NEGR1: variants seen among roughly 807,000 people sequenced by gnomAD.
NEGR1 encodes the protein IgLON family member 4.
NEGR1 carries 10 observed loss-of-function variants against 40.9 expected under a neutral mutation model. The ratio of observed to expected loss-of-function variants is 0.24; its 90% CI spans 0.15 to 0.42. NEGR1 has a LOEUF of 0.42. Ranked by LOEUF, NEGR1 falls within the 10% of genes least tolerant of loss-of-function variation. The probability of loss-of-function intolerance (pLI) is 1.00; values close to 1 mark genes in which losing one functional copy is unlikely to be tolerated. For missense variants in NEGR1, 352 were observed against 438.9 expected (o/e 0.80, Z 1.77); for synonymous variants, 185 against 166.8 (o/e 1.11, Z -0.84).
intron 1 of NEGR1, among the ~76,000 whole-genome samples, chr1:71,994,199 C>T (rs1646481654): frequency 6.6e-6 from 1 of 152,042 alleles, no homozygotes; most frequent in African/African-American, 2.4e-5. Context: ...GAATTATGAG[C>T]CTAAAGGTGA....
chr1:71,567,871 C>T (rs539645496), intron 6 of NEGR1, among the ~76,000 whole-genome samples: 7 of 151,054 alleles, frequency 4.6e-5, no homozygotes, highest in South Asian at 4.2e-4. Flanking sequence ...AGGGAATTTT[C>T]GCAGCCTTTT....
rs908480994 is a variant in NEGR1, at chr1:71,973,177, G to A, written c.177-37866C>T. On this transcript the variant is annotated intron_variant, in intron 1 of 6. Transcript: ENST00000357731. Reference sequence around the variant, plus strand: ...TAAAAACACAAAAAATTAGCTGGGCGTGGTGGCGGGCGCCTGTAGTCCCAG... The same window carrying A: ...TAAAAACACAAAAAATTAGCTGGGCATGGTGGCGGGCGCCTGTAGTCCCAG... Among the ~76,000 whole-genome samples the A allele has an allele frequency of 4.6e-5, 7 of 152,058 alleles. No homozygotes were observed. The South Asian group carries it at 6.2e-4, about 14-fold the overall frequency.
intron 1 of NEGR1, among the ~76,000 whole-genome samples, chr1:72,096,331 T>C (rs1295644711): frequency 6.6e-6 from 1 of 152,170 alleles, no homozygotes; most frequent in Non-Finnish European, 1.5e-5. Context: ...TGATTATTTA[T>C]TATTTTATTA....
chr1:72,206,368 T>G (rs1361899698), intron 1 of NEGR1, among the ~76,000 whole-genome samples: 1 of 152,096 alleles, frequency 6.6e-6, no homozygotes, highest in Non-Finnish European at 1.5e-5. Context: ...AATAGCAAAC[T>G]TGAATATCCA....
intron 1 of NEGR1, among the ~76,000 whole-genome samples, chr1:71,966,476 G>A (rs78996394): frequency 0.013 from 2,027 of 152,228 alleles, 44 homozygotes; most frequent in African/African-American, 0.046. Flanking sequence ...ACATATTTGA[G>A]TTACACGCTG....
In NEGR1 at chr1:72,123,920, T is replaced by G. The variant is rs534381027; in HGVS notation, c.176+158399A>C. Among the ~76,000 whole-genome samples the G allele has an allele frequency of 2.0e-5, 3 of 152,120 alleles. No homozygotes were observed. The South Asian group carries it at 6.2e-4, about 32-fold the overall frequency. On this transcript the variant is annotated intron_variant, in intron 1 of 6. Coordinates refer to ENST00000357731, the MANE Select transcript of NEGR1 (RefSeq NM_173808.3). The stretch of plus-strand genomic sequence containing the variant: ...TACAACTGTTGGCCTGGGGGATGAT[T>G]CTGTTTCAGTTAGCACTGGTGCTGC...
chr1:71,763,246 G>A (rs1023644149), intron 3 of NEGR1, among the ~76,000 whole-genome samples: 12 of 152,070 alleles, frequency 7.9e-5, no homozygotes, highest in African/African-American at 2.9e-4. Context: ...CATTGGGTGG[G>A]GGGTCCTCCT....
chr1:71,744,379 C>T (rs1655317093), intron 3 of NEGR1, among the ~76,000 whole-genome samples: 1 of 124,756 alleles, frequency 8.0e-6, no homozygotes, highest in Non-Finnish European at 1.7e-5. Flanking sequence ...TAATAATAAG[C>T]CAGGCAGGTT....
chr1:72,033,687 T>A (rs1646878534), intron 1 of NEGR1, among the ~76,000 whole-genome samples: 1 of 152,214 alleles, frequency 6.6e-6, no homozygotes, highest in Non-Finnish European at 1.5e-5. Context: ...CTAACTGGGT[T>A]TATGAACAAA....
chr1:72,275,098 G>A (rs1382449155), intron 1 of NEGR1: 2 of 881,322 alleles, frequency 2.3e-6, no homozygotes, highest in Non-Finnish European at 3.9e-6. Context: ...GATACCGAAA[G>A]ACTTGGGAAC....
chr1:72,011,792 G>A (rs1357769719), intron 1 of NEGR1, among the ~76,000 whole-genome samples: 3 of 152,076 alleles, frequency 2.0e-5, no homozygotes, highest in Non-Finnish European at 2.9e-5. Flanking sequence ...ACAATGAGTC[G>A]GAGTAGCTGC....
At chr1:72,132,005 A>T (rs1398964886) in intron 1 of NEGR1, among the ~76,000 whole-genome samples, 1 of 152,170 alleles carries the variant, frequency 6.6e-6, no homozygotes, top group Non-Finnish European at 1.5e-5. Flanking sequence ...GTCCTGAGGC[A>T]GGAGAATCGC....
At chr1:71,939,650 A>C (rs987496485) in intron 1 of NEGR1, among the ~76,000 whole-genome samples, 2 of 152,200 alleles carry the variant, frequency 1.3e-5, no homozygotes, top group African/African-American at 4.8e-5. Context: ...AACTAAGCTA[A>C]GAATTCAGTG....
intron 4 of NEGR1, among the ~76,000 whole-genome samples, chr1:71,677,928 G>T (rs1400580977): frequency 6.6e-6 from 1 of 152,134 alleles, no homozygotes; most frequent in Admixed American, 6.6e-5. Context: ...AAGATTTACT[G>T]TTAACAGGAA....
intron 1 of NEGR1, among the ~76,000 whole-genome samples, chr1:72,133,061 A>T (rs1403424798): frequency 6.6e-6 from 1 of 152,166 alleles, no homozygotes; most frequent in Admixed American, 6.5e-5. Context: ...CTCCTTTAAA[A>T]TGTGACAATC....
rs145354058 is a variant in NEGR1 at position 71,675,126 on chromosome 1, T to TATATATATATATACACAC, written c.667+22881_667+22882insGTGTGTATATATATATAT. ...GCATGTTTATTCATATATATATATATACACACACACATATGAATTCTTAGA... is the reference window on the plus strand; with the variant it reads ...GCATGTTTATTCATATATATATATATATATATATATATACACACACACACACACATATGAATTCTTAGA... On this transcript the variant is annotated intron_variant, in intron 4 of 6. Coordinates refer to ENST00000357731, the MANE Select transcript of NEGR1 (RefSeq NM_173808.3). Among the ~76,000 whole-genome samples the TATATATATATATACACAC allele has an allele frequency of 8.7e-4, 68 of 77,826 alleles. 2 individuals are homozygous for TATATATATATATACACAC. Among genetic ancestry groups the TATATATATATATACACAC allele is most frequent in the African/African-American group, 2.4e-3 (58 of 24,334 alleles). The allele number at this position is 77,826 out of a possible 152,430, so 51.1% of individuals were successfully genotyped here. A position where few individuals can be genotyped will look rare whatever the true frequency, so the allele number is the denominator to read the frequency against.
At chr1:71,667,652 A>T (rs1652287348) in intron 4 of NEGR1, among the ~76,000 whole-genome samples, 1 of 152,356 alleles carries the variant, frequency 6.6e-6, no homozygotes, top group Non-Finnish European at 1.5e-5. Context: ...AATGTGTCTC[A>T]ACAGTGTGTT....
At chr1:71,655,502 C>T (rs774865893) in intron 4 of NEGR1, among the ~76,000 whole-genome samples, 1 of 152,126 alleles carries the variant, frequency 6.6e-6, no homozygotes, top group Non-Finnish European at 1.5e-5. Flanking sequence ...GTGAATGCTC[C>T]TTTAGTACTG....
At chr1:71,878,424 T>C (rs1176867568) in intron 2 of NEGR1, among the ~76,000 whole-genome samples, 1 of 152,178 alleles carries the variant, frequency 6.6e-6, no homozygotes, top group African/African-American at 2.4e-5. Flanking sequence ...CTCCAATATT[T>C]TTGCATTGTT....
Sources: gnomAD v4.1 joint callset for allele counts (sites outside exome capture counted in the v4.1 genomes callset) on GRCh38, gnomAD v4.1.1 for gene constraint, MANE v1.5 for transcripts, NCBI Gene and HGNC (gene_info 2026-07-23, HGNC 2026-07-21) for gene names.